NDUFA12: variants seen among roughly 807,000 people sequenced by gnomAD.
NDUFA12 encodes the protein NADH dehydrogenase [ubiquinone] 1 alpha subcomplex subunit 12.
A neutral mutation model predicts 20.3 loss-of-function variants in NDUFA12; 17 were observed. The ratio of observed to expected loss-of-function variants is 0.84; its 90% CI spans 0.57 to 1.26. NDUFA12 has a LOEUF of 1.26. Among genes scored for constraint, NDUFA12 ranks in the 50% most tolerant of loss-of-function variants. NDUFA12 has a pLI of 0.00. For synonymous variants in NDUFA12, 72 were observed against 63.6 expected, an observed-to-expected ratio of 1.13 and a Z score of -0.63; for missense variants, 191 against 183.7, an observed-to-expected ratio of 1.04 and a Z score of -0.23.
At chr12:95,002,682 C>T (rs1255271457) in intron 2 of NDUFA12, 57 bp downstream of exon 2, 1 of 1,296,936 alleles carries the variant, frequency 7.7e-7, no homozygotes, top group African/African-American at 1.5e-5. Flanking sequence ...GGAAAATAGA[C>T]TCAAATCAAA....
chr12:94,978,438 G>A (rs1341732708), intron 3 of NDUFA12, among the ~76,000 whole-genome samples: 1 of 152,178 alleles, frequency 6.6e-6, no homozygotes, highest in Non-Finnish European at 1.5e-5. Context: ...TTAGACTGGG[G>A]GATGACACTG....
At chr12:94,989,191 C>T (rs1455479805) in intron 3 of NDUFA12, among the ~76,000 whole-genome samples, 2 of 152,160 alleles carry the variant, frequency 1.3e-5, no homozygotes, top group African/African-American at 4.8e-5. Context: ...GCTCTTGATT[C>T]CCATGAGGCC....
chr12:95,003,463 C>T (rs780210207), intron 1 of NDUFA12, 132 bp downstream of exon 1: 12 of 953,766 alleles, frequency 1.3e-5, no homozygotes, highest in Non-Finnish European at 1.9e-5. Context: ...GGTGGCAAGG[C>T]AGAGATTGGG....
chr12:94,995,570 C>T (rs112614078), intron 2 of NDUFA12, among the ~76,000 whole-genome samples: 7 of 152,272 alleles, frequency 4.6e-5, no homozygotes, highest in Non-Finnish European at 8.8e-5. Flanking sequence ...CGCTCTGTCG[C>T]CTAGGCTGGA....
Position 94,994,306 on chromosome 12 carries a change from C to T in NDUFA12, c.170-49G>A, listed in dbSNP as rs766136628. On this transcript the variant is annotated intron_variant, in intron 2 of 3. Coordinates refer to ENST00000327772, the MANE Select transcript of NDUFA12 (RefSeq NM_018838.5). ...AAAAGAAAAACTTTTTTTTTTAAAGCATAGATGCATAATATCAAAGAAGAC... is the reference window on the plus strand; with the variant it reads ...AAAAGAAAAACTTTTTTTTTTAAAGTATAGATGCATAATATCAAAGAAGAC... 31 of 1,337,424 alleles carry T rather than the reference C, an allele frequency of 2.3e-5. No individual in the cohort carries two copies. The African/African-American group carries it at 4.1e-4, about 18-fold the overall frequency. 82.8% of individuals were successfully genotyped at this position (1,337,424 alleles called of 1,614,324 possible). A position where few individuals can be genotyped will look rare whatever the true frequency, so the allele number is the denominator to read the frequency against.
At chr12:94,973,707 A>G (rs1367660679) in intron 3 of NDUFA12, among the ~76,000 whole-genome samples, 1 of 152,182 alleles carries the variant, frequency 6.6e-6, no homozygotes, top group East Asian at 1.9e-4. Flanking sequence ...CCAAAAAAGG[A>G]AAAGATAATT....
intron 3 of NDUFA12, among the ~76,000 whole-genome samples, chr12:94,989,563 A>AT (rs1874566880): frequency 6.6e-6 from 1 of 152,326 alleles, no homozygotes; most frequent in Non-Finnish European, 1.5e-5. Context: ...CCCTAAAAAG[A>AT]TTCATCACAA....
At chr12:94,974,322 C>T (rs376610341) in intron 3 of NDUFA12, among the ~76,000 whole-genome samples, 1 of 151,980 alleles carries the variant, frequency 6.6e-6, no homozygotes, top group Non-Finnish European at 1.5e-5. Flanking sequence ...GTTAAAATGG[C>T]TTTTATACAA....
At chr12:94,979,674 A>C (rs1874175248) in intron 3 of NDUFA12, among the ~76,000 whole-genome samples, 2 of 151,868 alleles carry the variant, frequency 1.3e-5, no homozygotes, top group South Asian at 4.2e-4. Context: ...CTATAAAAAA[A>C]AAAATACAAA....
chr12:94,978,686 A>C (rs1208884126), intron 3 of NDUFA12, among the ~76,000 whole-genome samples: 1 of 152,264 alleles, frequency 6.6e-6, no homozygotes, highest in Non-Finnish European at 1.5e-5. Flanking sequence ...CATTCATCAA[A>C]GAACAAGAGA....
At position 94,972,939 on chromosome 12, in the gene NDUFA12, C is replaced by T. The variant is rs554778696; in HGVS notation, c.258-1319G>A. 6.5e-4 allele frequency among the ~76,000 whole-genome samples: 99 copies of T among 151,750 alleles called. 1 individual carries two copies. The highest frequency in any genetic ancestry group is 2.4e-3 in the African/African-American group (99 of 41,368). On this transcript the variant is annotated intron_variant, in intron 3 of 3. Coordinates refer to ENST00000327772, the MANE Select transcript of NDUFA12 (RefSeq NM_018838.5). ...GAAGGGAAGACAGAATTTGTCCCAG[C>T]CTCTAAGACCTGGAGCTCACAAGAC...
At chr12:95,001,571 T>C (rs1174244837) in intron 2 of NDUFA12, among the ~76,000 whole-genome samples, 1 of 152,018 alleles carries the variant, frequency 6.6e-6, no homozygotes, top group Admixed American at 6.6e-5. Context: ...GAGGCTGTAG[T>C]GAGCCATGAT....
chr12:94,976,238 T>C (rs1179962599), intron 3 of NDUFA12, among the ~76,000 whole-genome samples: 2 of 152,186 alleles, frequency 1.3e-5, no homozygotes, highest in Admixed American at 6.5e-5. Context: ...CCAAATATAG[T>C]AAGTGAGAAA....
chr12:94,997,690 T>C (rs1184104485), intron 2 of NDUFA12, among the ~76,000 whole-genome samples: 1 of 152,148 alleles, frequency 6.6e-6, no homozygotes, highest in African/African-American at 2.4e-5. Context: ...TTAGAGCATT[T>C]CAGATTTCAG....
chr12:94,972,166 G>A (rs902616370), intron 3 of NDUFA12, among the ~76,000 whole-genome samples: 1 of 152,020 alleles, frequency 6.6e-6, no homozygotes, highest in Non-Finnish European at 1.5e-5. Flanking sequence ...GAGCTCAAGG[G>A]ATCTTCCTGC....
chr12:94,997,831 C>T (rs1874888603), intron 2 of NDUFA12, among the ~76,000 whole-genome samples: 3 of 152,260 alleles, frequency 2.0e-5, no homozygotes, highest in South Asian at 2.1e-4. Context: ...TAACAGCAGT[C>T]ACAGTGCTAA....
chr12:94,971,475 G>C lies in NDUFA12; in HGVS notation c.403C>G (p.Gln135Glu), dbSNP rs780134087. The C allele has an allele frequency of 1.2e-5, 19 of 1,614,050 alleles. No individual in the cohort carries two copies. The highest frequency in any genetic ancestry group is 8.9e-5 in the East Asian group (4 of 44,898). Residue 135 changes from glutamine to glutamate, a missense_variant, in exon 4 of 4, where the codon CAG becomes GAG. Coordinates refer to ENST00000327772, the MANE Select transcript of NDUFA12 (RefSeq NM_018838.5). ...VPYSTTRKKI[Q>E]EWIPPSTPYK ...GGTGTTGAAGGTGGGATCCACTCCTGAATCTTCTTTCTAGTGGTAGAATAA... is the reference window on the plus strand; with the variant it reads ...GGTGTTGAAGGTGGGATCCACTCCTCAATCTTCTTTCTAGTGGTAGAATAA...
At chr12:94,992,626 T>C (rs1874680209) in intron 3 of NDUFA12, among the ~76,000 whole-genome samples, 1 of 152,186 alleles carries the variant, frequency 6.6e-6, no homozygotes, top group Non-Finnish European at 1.5e-5. Context: ...AAGACTAAGT[T>C]AGATAAGGCA....
intron 3 of NDUFA12, among the ~76,000 whole-genome samples, chr12:94,984,005 T>C (rs780705621): frequency 6.6e-6 from 1 of 151,758 alleles, no homozygotes; most frequent in Non-Finnish European, 1.5e-5. Flanking sequence ...GCAAGCTGGT[T>C]TGGGGTGCTG....
Sources: allele counts gnomAD v4.1 joint callset (sites outside exome capture counted in the v4.1 genomes callset), GRCh38; gene constraint gnomAD v4.1.1; transcripts MANE v1.5; gene names NCBI Gene and HGNC (gene_info 2026-07-23, HGNC 2026-07-21).